FGD3: variants seen among roughly 807,000 people sequenced by gnomAD.
FGD3 encodes FYVE, RhoGEF and PH domain containing 3.
In FGD3, 45 loss-of-function variants were observed where a neutral mutation model predicts 71.8. That is an observed-to-expected ratio of 0.63 (90% CI 0.49 to 0.80). The LOEUF (loss-of-function observed/expected upper bound fraction) is 0.80, where lower values mean the gene tolerates loss of function less well. FGD3 is among the 30% of genes least tolerant of loss of function. The pLI is 0.00. For synonymous variants in FGD3, 378 were observed against 392.8 expected, an observed-to-expected ratio of 0.96 and a Z score of 0.44; for missense variants, 844 against 951.5, an observed-to-expected ratio of 0.89 and a Z score of 1.49.
chr9:92,967,011 G>C (rs1859356963), intron 1 of FGD3, among the ~76,000 whole-genome samples: 1 of 150,620 alleles, frequency 6.6e-6, no homozygotes, highest in Non-Finnish European at 1.5e-5. Flanking sequence ...TCCCAGGCTG[G>C]AGTGCAATGG....
At chr9:92,998,775 CTGCAGAACAGCAAATAT>C (rs1337612735) in intron 3 of FGD3, among the ~76,000 whole-genome samples, 1 of 152,184 alleles carries the variant, frequency 6.6e-6, no homozygotes. Context: ...CAAGTGGAGG[CTGCAGAACAGCAAATAT>C]TGCAGAACAG....
intron 3 of FGD3, among the ~76,000 whole-genome samples, chr9:92,986,981 T>C (rs1860210329): frequency 6.6e-6 from 1 of 152,194 alleles, no homozygotes; most frequent in South Asian, 2.1e-4. Flanking sequence ...AGGGAGTGTG[T>C]GTTTAAGAAG....
intron 3 of FGD3, among the ~76,000 whole-genome samples, chr9:92,985,376 G>T (rs1239115459): frequency 6.6e-6 from 1 of 152,244 alleles, no homozygotes; most frequent in African/African-American, 2.4e-5. Flanking sequence ...TTCCTGCATA[G>T]AGGCACTGGG....
At chr9:92,996,633 T>C (rs998984888) in intron 3 of FGD3, among the ~76,000 whole-genome samples, 3 of 152,254 alleles carry the variant, frequency 2.0e-5, no homozygotes, top group Non-Finnish European at 1.5e-5. Context: ...AATTTCGCTC[T>C]ACACCCTGCT....
intron 3 of FGD3, among the ~76,000 whole-genome samples, chr9:92,998,271 A>G (rs563439664): frequency 3.9e-5 from 6 of 152,292 alleles, no homozygotes; most frequent in African/African-American, 4.8e-5. Context: ...CAGCTACTGA[A>G]GCTTGTGCAT....
intron 14 of FGD3, among the ~76,000 whole-genome samples, chr9:93,026,719 C>T (rs1453717547): frequency 6.6e-6 from 1 of 152,252 alleles, no homozygotes; most frequent in Non-Finnish European, 1.5e-5. Flanking sequence ...CAAGCTCTTG[C>T]TGTGCACCCA....
intron 11 of FGD3, among the ~76,000 whole-genome samples, chr9:93,018,667 A>G (rs914441864): frequency 6.6e-6 from 1 of 152,226 alleles, no homozygotes; most frequent in East Asian, 1.9e-4. Flanking sequence ...AGGAACTCAG[A>G]TAAAACAAAT....
At position 92,978,784 on chromosome 9, in the gene FGD3, C is replaced by G. The variant is rs1460050596; in HGVS notation, c.453+2075C>G. ...CCTCTCTGCCCCTCCCCTCCCCTCCCCTCCCCTCCCCTCTCCTTCCCTTCC... is the reference window on the plus strand; with the variant it reads ...CCTCTCTGCCCCTCCCCTCCCCTCCGCTCCCCTCCCCTCTCCTTCCCTTCC... On this transcript the variant is annotated intron_variant, in intron 3 of 17. Coordinates refer to ENST00000375482, the MANE Select transcript of FGD3 (RefSeq NM_001083536.2). Among the ~76,000 whole-genome samples the G allele has an allele frequency of 8.9e-5, 9 of 100,862 alleles. No homozygotes were observed. The East Asian group carries it at 2.8e-3, about 32-fold the overall frequency. The allele number at this position is 100,862 out of a possible 152,430, so 66.2% of individuals were successfully genotyped here.
intron 1 of FGD3, among the ~76,000 whole-genome samples, chr9:92,972,655 T>A (rs907613982): frequency 1.3e-5 from 2 of 150,550 alleles, no homozygotes; most frequent in African/African-American, 4.9e-5. Flanking sequence ...ATAGTTTCCA[T>A]CAAATCTAGA....
At position 93,032,876 on chromosome 9, in the gene FGD3, G is replaced by A. The variant is rs370852611; in HGVS notation, c.1785+3G>A. The stretch of plus-strand genomic sequence containing the variant: ...CAGTGGCCCCTGAGAGCACAGAGGT[G>A]GGTGCTCCCAGCTCCTGCTCCCCTC... On this transcript the variant is annotated splice_donor_region_variant and intron_variant, in intron 16 of 17. Coordinates refer to ENST00000375482, the MANE Select transcript of FGD3 (RefSeq NM_001083536.2). 3.7e-6 allele frequency: 6 copies of A among 1,612,626 alleles called. No homozygotes were observed. The African/African-American group carries it at 5.3e-5, about 14-fold the overall frequency.
intron 3 of FGD3, among the ~76,000 whole-genome samples, chr9:92,978,194 A>C (rs1859840498): frequency 6.6e-6 from 1 of 151,766 alleles, no homozygotes; most frequent in Non-Finnish European, 1.5e-5. Flanking sequence ...AGGCAGGAGA[A>C]TCACTTGAAC....
At chr9:93,029,814 GTGTGGGGTAGGGTGCACACA>G (rs1862285574) in intron 14 of FGD3, 40 bp from the exon 15 acceptor site, 1 of 1,575,690 alleles carries the variant, frequency 6.3e-7, no homozygotes, top group African/African-American at 1.3e-5. Flanking sequence ...CTCCACTGCC[GTGTGGGGTAGGGTGCACACA>G]TGATTCAGAA....
At chr9:92,975,605 G>T (rs1165580218) in intron 2 of FGD3, among the ~76,000 whole-genome samples, 200 bp downstream of exon 2, 1 of 152,198 alleles carries the variant, frequency 6.6e-6, no homozygotes, top group African/African-American at 2.4e-5. Flanking sequence ...TGGTGGGCCA[G>T]TGTGAGGTGG....
At chr9:92,956,392 T>G (rs912646837) in intron 1 of FGD3, among the ~76,000 whole-genome samples, 8 of 152,182 alleles carry the variant, frequency 5.3e-5, no homozygotes, top group African/African-American at 1.7e-4. Context: ...TAATCCCCAG[T>G]ACCTCCGAAT....
At chr9:92,965,968 G>A (rs1463447981) in intron 1 of FGD3, among the ~76,000 whole-genome samples, 1 of 152,180 alleles carries the variant, frequency 6.6e-6, no homozygotes, top group African/African-American at 2.4e-5. Context: ...AGCATGTGCC[G>A]AAAACAATGA....
In FGD3 at chr9:92,954,074, A is replaced by T. The variant is rs78769587; in HGVS notation, c.-218+6345A>T. On this transcript the variant is annotated intron_variant, in intron 1 of 17. Coordinates refer to ENST00000375482, the MANE Select transcript of FGD3 (RefSeq NM_001083536.2). ...AGAAATTTATATGTTACTGAGAAGC[A>T]TCAAGAAGCAAATGAAAATTCCCGG... Among the ~76,000 whole-genome samples, 749 of 152,312 alleles carry T rather than the reference A, an allele frequency of 4.9e-3. 7 individuals carry two copies. The highest frequency in any genetic ancestry group is 0.017 in the African/African-American group (714 of 41,578).
intron 8 of FGD3, among the ~76,000 whole-genome samples, chr9:93,011,675 G>A (rs1325690167): frequency 6.6e-6 from 1 of 151,872 alleles, no homozygotes; most frequent in Non-Finnish European, 1.5e-5. Flanking sequence ...GGCCAATATG[G>A]TGAAACCCCG....
intron 3 of FGD3, among the ~76,000 whole-genome samples, chr9:93,002,433 GA>G (rs1385886427): frequency 1.3e-5 from 2 of 152,226 alleles, no homozygotes; most frequent in Non-Finnish European, 2.9e-5. Flanking sequence ...AACGAAAATA[GA>G]AAAAAACTAG....
intron 3 of FGD3, among the ~76,000 whole-genome samples, chr9:92,999,371 C>G (rs1370094019): frequency 6.6e-6 from 1 of 152,074 alleles, no homozygotes; most frequent in Non-Finnish European, 1.5e-5. Context: ...TACCGTCTGT[C>G]ACGGCTTCCC....
Sources: gnomAD v4.1 joint callset for allele counts (sites outside exome capture counted in the v4.1 genomes callset) on GRCh38, gnomAD v4.1.1 for gene constraint, MANE v1.5 for transcripts, NCBI Gene and HGNC (gene_info 2026-07-23, HGNC 2026-07-21) for gene names.